FBXO42: variants seen among roughly 807,000 people sequenced by gnomAD.
The protein encoded by FBXO42 is F-box only protein 42.
In FBXO42, 12 loss-of-function variants were observed where a neutral mutation model predicts 71.7. The observed-to-expected ratio is 0.17, with a 90% CI of 0.11 to 0.27. The LOEUF (loss-of-function observed/expected upper bound fraction) is 0.27, where lower values mean the gene tolerates loss of function less well. Ranked by LOEUF, FBXO42 falls within the 10% of genes least tolerant of loss-of-function variation. The probability of loss-of-function intolerance (pLI) is 1.00; values close to 1 mark genes in which losing one functional copy is unlikely to be tolerated. For missense variants in FBXO42, 707 were observed against 911.9 expected, an observed-to-expected ratio of 0.78 and a Z score of 2.89; for synonymous variants, 325 against 327.5, an observed-to-expected ratio of 0.99 and a Z score of 0.08.
At chr1:16,269,098 C>T (rs1168700420) in intron 4 of FBXO42, among the ~76,000 whole-genome samples, 2 of 88,674 alleles carry the variant, frequency 2.3e-5, no homozygotes, top group Non-Finnish European at 4.2e-5. Flanking sequence ...CGTGAGCCAC[C>T]GCACCTGGCT....
intron 1 of FBXO42, among the ~76,000 whole-genome samples, chr1:16,330,664 A>G (rs2082490905): frequency 6.6e-6 from 1 of 151,854 alleles, no homozygotes. Flanking sequence ...AAAATTGGCC[A>G]GGTGCGGTGG....
At chr1:16,278,706 G>T (rs1202442333) in intron 4 of FBXO42, among the ~76,000 whole-genome samples, 1 of 152,012 alleles carries the variant, frequency 6.6e-6, no homozygotes, top group Non-Finnish European at 1.5e-5. Flanking sequence ...ACCTTTTTAA[G>T]GTATCATTTA....
intron 2 of FBXO42, among the ~76,000 whole-genome samples, chr1:16,310,222 G>A (rs1000190856): frequency 1.3e-4 from 19 of 151,622 alleles, no homozygotes; most frequent in Middle Eastern, 6.8e-3. Flanking sequence ...TTAGCCGGGC[G>A]TAGTAGCATG....
chr1:16,350,001 T>C (rs1359211001), intron 1 of FBXO42, among the ~76,000 whole-genome samples: 1 of 152,192 alleles, frequency 6.6e-6, no homozygotes, highest in East Asian at 1.9e-4. Flanking sequence ...TAGCATTTTC[T>C]TTGCTTGCTC....
intron 4 of FBXO42, among the ~76,000 whole-genome samples, chr1:16,291,516 G>C (rs2082078990): frequency 6.6e-6 from 1 of 152,068 alleles, no homozygotes; most frequent in African/African-American, 2.4e-5. Context: ...GAGTAGCTGA[G>C]GTTACAGGCA....
intron 2 of FBXO42, among the ~76,000 whole-genome samples, chr1:16,309,879 T>TA (rs1339024733): frequency 6.6e-6 from 1 of 151,270 alleles, no homozygotes; most frequent in Non-Finnish European, 1.5e-5. Flanking sequence ...CCTACTCTAC[T>TA]AAAAAAGGTT....
In FBXO42 at chr1:16,305,861, C is replaced by T; in HGVS notation, c.309G>A (p.Gln103=). The change falls in exon 3 of 10, where the codon CAG becomes CAA. Residue 103 remains glutamine, a synonymous_variant. Transcript: ENST00000375592. ...FMKAVQEGNI[Q]WESRTYPYPG... ...GATAAGGATAGGTACGGCTCTCCCA[C>T]TGAATGTTTCCTTCCTGGACAGCCT... 1.2e-6 allele frequency: 2 copies of T among 1,614,190 alleles called. No homozygotes were observed. Among genetic ancestry groups the T allele is most frequent in the Non-Finnish European group, 1.7e-6 (2 of 1,180,034 alleles).
At position 16,294,828 on chromosome 1, in the gene FBXO42, T is replaced by G; in HGVS notation, c.457A>C (p.Arg153=). 1 of 1,614,114 alleles carries G rather than the reference T, an allele frequency of 6.2e-7. No homozygotes were observed. The highest frequency in any genetic ancestry group is 1.1e-5 in the South Asian group (1 of 91,080). Residue 153 remains arginine, a synonymous_variant, in exon 4 of 10, where the codon AGA becomes CGA. Transcript: ENST00000375592. ...CACTCTTTGCTGTTTAGGTCAAGTC[T>G]CCAGAGGTCATTGAAAGCAGCATTG... ...SCNAAFNDLW[R]LDLNSKEWIR...
Position 16,305,852 on chromosome 1 carries a change from G to C in FBXO42, c.318C>G (p.Ser106Arg). 1 of 1,614,116 alleles carries C rather than the reference G, an allele frequency of 6.2e-7. No homozygotes were observed. The highest frequency in any genetic ancestry group is 1.1e-5 in the South Asian group (1 of 91,078). The change falls in exon 3 of 10, where the codon AGC becomes AGG. Residue 106 changes from serine (S) to arginine (R), a missense_variant. This residue lies in a region of FBXO42 where 188 missense variants were observed against 230.5 expected (regional missense o/e 0.82). Transcript: ENST00000375592. ...GGGTTCCAGGATAAGGATAGGTACG[G>C]CTCTCCCACTGAATGTTTCCTTCCT... The part of the protein sequence containing the change: ...AVQEGNIQWE[S>R]RTYPYPGTPI...
chr1:16,319,461 A>T (rs1003436569), intron 1 of FBXO42, among the ~76,000 whole-genome samples: 7 of 152,244 alleles, frequency 4.6e-5, no homozygotes, highest in African/African-American at 1.7e-4. Flanking sequence ...AATCTTAGTG[A>T]TAATCAGCAA....
intron 4 of FBXO42, among the ~76,000 whole-genome samples, chr1:16,275,428 G>A (rs1008275931): frequency 2.0e-4 from 31 of 152,170 alleles, no homozygotes; most frequent in African/African-American, 7.2e-4. Flanking sequence ...GACCAGTCTG[G>A]GCATTACAGT....
intron 4 of FBXO42, among the ~76,000 whole-genome samples, chr1:16,281,624 A>G (rs1483181330): frequency 2.0e-5 from 3 of 150,624 alleles, no homozygotes; most frequent in Non-Finnish European, 4.4e-5. Flanking sequence ...ATGGATCACC[A>G]TGCCTGGCTA....
At chr1:16,287,180 T>A (rs975406148) in intron 4 of FBXO42, among the ~76,000 whole-genome samples, 1 of 152,226 alleles carries the variant, frequency 6.6e-6, no homozygotes, top group African/African-American at 2.4e-5. Flanking sequence ...TTCCTCAGTA[T>A]CCCTTGACTA....
At chr1:16,350,447 T>C (rs1367306402) in intron 1 of FBXO42, among the ~76,000 whole-genome samples, 1 of 151,334 alleles carries the variant, frequency 6.6e-6, no homozygotes, top group East Asian at 1.9e-4. Flanking sequence ...AAGTCTTTGA[T>C]TTAAAAATAG....
chr1:16,289,315 G>C (rs1385215905), intron 4 of FBXO42, among the ~76,000 whole-genome samples: 1 of 151,650 alleles, frequency 6.6e-6, no homozygotes, highest in Non-Finnish European at 1.5e-5. Context: ...GAGGTGGGAG[G>C]ATCACTTGAA....
At chr1:16,259,611 A>T (rs2081685872) in intron 4 of FBXO42, among the ~76,000 whole-genome samples, 2 of 152,016 alleles carry the variant, frequency 1.3e-5, no homozygotes, top group Admixed American at 6.6e-5. Context: ...TAAAAATATT[A>T]AAAAATTAGC....
At chr1:16,291,611 G>A (rs1321090613) in intron 4 of FBXO42, among the ~76,000 whole-genome samples, 1 of 151,888 alleles carries the variant, frequency 6.6e-6, no homozygotes, top group East Asian at 1.9e-4. Context: ...GGAACTCCTG[G>A]CCTCAAGTGA....
chr1:16,259,119 T>C (rs2081681630), intron 4 of FBXO42, among the ~76,000 whole-genome samples: 1 of 152,176 alleles, frequency 6.6e-6, no homozygotes, highest in African/African-American at 2.4e-5. Flanking sequence ...ACAAGAATAG[T>C]GATTAAAGAG....
chr1:16,249,919 ATGAT>A lies in FBXO42; in HGVS notation c.*747_*750del, dbSNP rs1282092287. ...GTTTTTTGGCAACTTGCCACCAAAT[ATGAT>A]TGATTGTCAGAAATTTCCACAATCA... On this transcript the variant is annotated 3_prime_UTR_variant, in exon 10 of 10. Coordinates refer to ENST00000375592, the MANE Select transcript of FBXO42 (RefSeq NM_018994.3). 7.2e-5 allele frequency: 11 copies of A among 152,080 alleles called. No individual in the cohort carries two copies. Among genetic ancestry groups the A allele is most frequent in the African/African-American group, 2.4e-4 (10 of 41,468 alleles). 9.4% of individuals were successfully genotyped at this position (152,080 alleles called of 1,614,324 possible).
Sources: gnomAD v4.1 joint callset for allele counts (sites outside exome capture counted in the v4.1 genomes callset) on GRCh38, gnomAD v4.1.1 for gene constraint, gnomAD v4.1.1 regional missense constraint, MANE v1.5 for transcripts, NCBI Gene and HGNC (gene_info 2026-07-23, HGNC 2026-07-21) for gene names.